Variants in SUSD4 observed in about 807,000 individuals in gnomAD.
SUSD4 encodes the protein sushi domain containing 4, also known as sushi domain-containing protein 4.
SUSD4 carries 41 observed loss-of-function variants against 50.5 expected under a neutral mutation model. The ratio of observed to expected loss-of-function variants is 0.81; its 90% CI spans 0.63 to 1.05. SUSD4 has a LOEUF of 1.05. Among genes scored for constraint, SUSD4 ranks in the 50% least tolerant of loss-of-function variants. The pLI, the probability that SUSD4 is intolerant of heterozygous loss-of-function variation, is 0.00. For missense variants in SUSD4, 580 were observed against 634.7 expected (o/e 0.91, Z 0.93); for synonymous variants, 257 against 257.3 (o/e 1.00, Z 0.01).
In SUSD4 at chr1:223,356,419, T is replaced by C. The variant is rs554737779; in HGVS notation, c.148+6859A>G. On this transcript the variant is annotated intron_variant, in intron 2 of 8. Coordinates refer to ENST00000366878, the MANE Select transcript of SUSD4 (RefSeq NM_017982.4). ...CAAATCTCAGATTTCTTTTTCTTTT[T>C]TTTTTTTCAGTGACAGGGTCTTGCT... 1.3e-4 allele frequency among the ~76,000 whole-genome samples: 20 copies of C among 152,130 alleles called. No individual in the cohort carries two copies. In the East Asian group the frequency reaches 3.1e-3, roughly 23 times the overall value.
At chr1:223,308,672 T>C (rs910308689) in intron 2 of SUSD4, among the ~76,000 whole-genome samples, 7 of 152,188 alleles carry the variant, frequency 4.6e-5, no homozygotes, top group African/African-American at 1.2e-4. Context: ...CATTTTATAG[T>C]AGAGAAATTT....
At chr1:223,286,446 T>C (rs1664146087) in intron 3 of SUSD4, among the ~76,000 whole-genome samples, 1 of 152,172 alleles carries the variant, frequency 6.6e-6, no homozygotes, top group Non-Finnish European at 1.5e-5. Flanking sequence ...AGACAGGGTT[T>C]CGTCATGTTG....
chr1:223,309,491 G>C (rs1402543742), intron 2 of SUSD4, among the ~76,000 whole-genome samples: 1 of 152,224 alleles, frequency 6.6e-6, no homozygotes. Flanking sequence ...CACTGGGCTT[G>C]AAGTGGTGCT....
intron 5 of SUSD4, among the ~76,000 whole-genome samples, chr1:223,230,290 GTGC>G (rs1558165124): frequency 1.3e-5 from 2 of 151,936 alleles, no homozygotes; most frequent in South Asian, 4.2e-4. Flanking sequence ...GAAATAAACA[GTGC>G]TGCTGCTTAA....
chr1:223,249,425 C>T (rs1024808565), intron 5 of SUSD4, among the ~76,000 whole-genome samples: 2 of 152,222 alleles, frequency 1.3e-5, no homozygotes, highest in African/African-American at 4.8e-5. Context: ...CACACAGACA[C>T]ACATACATTC....
At chr1:223,290,555 GA>G (rs1269374256) in intron 3 of SUSD4, among the ~76,000 whole-genome samples, 1 of 152,152 alleles carries the variant, frequency 6.6e-6, no homozygotes, top group African/African-American at 2.4e-5. Flanking sequence ...ATGTCCTTTG[GA>G]CACACGTGGT....
chr1:223,314,682 ATGG>A (rs1407715624), intron 2 of SUSD4, among the ~76,000 whole-genome samples: 1 of 152,058 alleles, frequency 6.6e-6, no homozygotes, highest in Admixed American at 6.6e-5. Context: ...ACGAGATCTG[ATGG>A]TTTATAAGGG....
chr1:223,282,860 C>T (rs1471214318), intron 3 of SUSD4, among the ~76,000 whole-genome samples: 1 of 152,122 alleles, frequency 6.6e-6, no homozygotes, highest in Non-Finnish European at 1.5e-5. Context: ...CTACAGTAAC[C>T]AAAACAGCAT....
At chr1:223,324,408 G>A (rs1325132835) in intron 2 of SUSD4, among the ~76,000 whole-genome samples, 1 of 151,564 alleles carries the variant, frequency 6.6e-6, no homozygotes, top group Non-Finnish European at 1.5e-5. Flanking sequence ...TCACAATGAA[G>A]ACCCAAGACA....
intron 2 of SUSD4, among the ~76,000 whole-genome samples, chr1:223,330,052 T>G (rs61838231): frequency 0.19 from 29,009 of 152,112 alleles, 3,234 homozygotes; most frequent in Non-Finnish European, 0.26. Context: ...ATAATAAGTG[T>G]ATAGATGGAA....
At chr1:223,353,132 C>T (rs1277922504) in intron 2 of SUSD4, among the ~76,000 whole-genome samples, 1 of 152,188 alleles carries the variant, frequency 6.6e-6, no homozygotes, top group Non-Finnish European at 1.5e-5. Context: ...CAGACGTCAC[C>T]ATTCACTGAA....
intron 2 of SUSD4, among the ~76,000 whole-genome samples, chr1:223,326,286 C>T (rs928888438): frequency 5.3e-5 from 8 of 152,132 alleles, no homozygotes; most frequent in Non-Finnish European, 7.4e-5. Flanking sequence ...GCTGGAAAAA[C>T]TGGCAAGCCA....
At chr1:223,342,054 G>T (rs761244953) in intron 2 of SUSD4, among the ~76,000 whole-genome samples, 1 of 152,088 alleles carries the variant, frequency 6.6e-6, no homozygotes, top group Non-Finnish European at 1.5e-5. Flanking sequence ...AACATCCCTT[G>T]CCTTTCCTAT....
intron 3 of SUSD4, among the ~76,000 whole-genome samples, chr1:223,279,312 T>C (rs1330006490): frequency 1.3e-5 from 2 of 152,164 alleles, no homozygotes; most frequent in Admixed American, 6.5e-5. Flanking sequence ...GCAAAGAAGC[T>C]AAAAACCTTG....
At position 223,225,882 on chromosome 1, in the gene SUSD4, A is replaced by T. The variant is rs1402443724; in HGVS notation, c.1061+1712T>A. On this transcript the variant is annotated intron_variant, in intron 7 of 8. Transcript: ENST00000366878. ...CTCTACTCTTGTGGAACCTGGAGAA[A>T]AAAAGTCCATTCTTGGTTTGCCCTT... Among the ~76,000 whole-genome samples, 6 of 152,308 alleles carry T rather than the reference A, an allele frequency of 3.9e-5. No homozygotes were observed. The South Asian group carries it at 1.2e-3, about 32-fold the overall frequency.
At chr1:223,251,831 G>A (rs150127998) in intron 5 of SUSD4, among the ~76,000 whole-genome samples, 120 of 152,198 alleles carry the variant, frequency 7.9e-4, no homozygotes, top group African/African-American at 2.8e-3. Context: ...TTGCCACACT[G>A]TCTTCCACAA....
At chr1:223,359,711 T>C (rs1172558642) in intron 2 of SUSD4, among the ~76,000 whole-genome samples, 1 of 152,162 alleles carries the variant, frequency 6.6e-6, no homozygotes, top group African/African-American at 2.4e-5. Context: ...AGTGGGCTTG[T>C]GGTCTAGTAA....
At chr1:223,285,795 AC>A (rs1664096792) in intron 3 of SUSD4, among the ~76,000 whole-genome samples, 1 of 152,216 alleles carries the variant, frequency 6.6e-6, no homozygotes, top group South Asian at 2.1e-4. Context: ...AGCAATGATA[AC>A]ATGTGGACAC....
intron 5 of SUSD4, among the ~76,000 whole-genome samples, chr1:223,263,294 G>A (rs1297644918): frequency 2.0e-5 from 3 of 152,172 alleles, no homozygotes; most frequent in African/African-American, 7.2e-5. Context: ...CTTGTCCCTT[G>A]AGGCTAGGGC....
Sources: gnomAD v4.1 joint callset for allele counts (sites outside exome capture counted in the v4.1 genomes callset) on GRCh38, gnomAD v4.1.1 for gene constraint, MANE v1.5 for transcripts, NCBI Gene and HGNC (gene_info 2026-07-23, HGNC 2026-07-21) for gene names.